Variants in CNTNAP2 observed in about 807,000 individuals in gnomAD.
CNTNAP2 encodes the protein contactin-associated protein-like 2.
Under a neutral mutation model 155.2 loss-of-function variants are expected in CNTNAP2, and 98 were observed. The observed-to-expected ratio is 0.63, with a 90% CI of 0.54 to 0.75. CNTNAP2 has a LOEUF of 0.75. Among genes scored for constraint, CNTNAP2 ranks in the 30% least tolerant of loss-of-function variants. The pLI, the probability that CNTNAP2 is intolerant of heterozygous loss-of-function variation, is 0.00. For synonymous variants in CNTNAP2, 651 were observed against 631.2 expected, an observed-to-expected ratio of 1.03 and a Z score of -0.47; for missense variants, 1,727 against 1,688.1, an observed-to-expected ratio of 1.02 and a Z score of -0.40.
At chr7:146,210,581 G>A (rs2116882288) in intron 1 of CNTNAP2, among the ~76,000 whole-genome samples, 1 of 152,274 alleles carries the variant, frequency 6.6e-6, no homozygotes, top group African/African-American at 2.4e-5. Flanking sequence ...TGGAATTACA[G>A]GTGTGAGCCG....
At chr7:147,611,092 G>C (rs1384350167) in intron 12 of CNTNAP2, among the ~76,000 whole-genome samples, 1 of 81,598 alleles carries the variant, frequency 1.2e-5, no homozygotes, top group East Asian at 4.0e-4. Flanking sequence ...TAGATATTAG[G>C]AGTGATTTTT....
chr7:147,596,801 A>C (rs1400344263), intron 12 of CNTNAP2, among the ~76,000 whole-genome samples: 2 of 152,194 alleles, frequency 1.3e-5, no homozygotes, highest in Admixed American at 1.3e-4. Context: ...CACAAGATAC[A>C]GGTCATAAAG....
chr7:146,657,530 C>T lies in CNTNAP2; in HGVS notation c.98-116741C>T, dbSNP rs117587701. ...ATTTCTTTAACCACATTGTCTCTGTCGTTCTCTGTCTCTCTGTTTCTCTCT... is the reference window on the plus strand; with the variant it reads ...ATTTCTTTAACCACATTGTCTCTGTTGTTCTCTGTCTCTCTGTTTCTCTCT... On this transcript the variant is annotated intron_variant, in intron 1 of 23. Coordinates refer to ENST00000361727, the MANE Select transcript of CNTNAP2 (RefSeq NM_014141.6). 4.9e-3 allele frequency among the ~76,000 whole-genome samples: 742 copies of T among 152,200 alleles called. 4 individuals are homozygous for T. The highest frequency in any genetic ancestry group is 9.3e-3 in the Non-Finnish European group (634 of 68,002).
At chr7:147,302,747 C>T (rs993805642) in intron 9 of CNTNAP2, among the ~76,000 whole-genome samples, 2 of 152,232 alleles carry the variant, frequency 1.3e-5, no homozygotes, top group Non-Finnish European at 2.9e-5. Flanking sequence ...TGTAAAACAT[C>T]GTCAGTCACT....
At chr7:147,235,345 G>GGTGTGTGTGTGTGTGTGTGT (rs60072934) in intron 8 of CNTNAP2, among the ~76,000 whole-genome samples, 41 of 140,878 alleles carry the variant, frequency 2.9e-4, no homozygotes, top group Non-Finnish European at 3.5e-4. Flanking sequence ...TGGAGTTTTT[G>GGTGTGTGTGTGTGTGTGTGT]GTGTGTGTGT....
At chr7:146,283,909 G>A (rs1346436267) in intron 1 of CNTNAP2, among the ~76,000 whole-genome samples, 1 of 152,020 alleles carries the variant, frequency 6.6e-6, no homozygotes, top group East Asian at 1.9e-4. Flanking sequence ...AAAAGTCTCA[G>A]AACCAGTCTT....
chr7:147,585,673 A>G (rs1320132722), intron 12 of CNTNAP2, among the ~76,000 whole-genome samples: 1 of 151,938 alleles, frequency 6.6e-6, no homozygotes, highest in Non-Finnish European at 1.5e-5. Context: ...ATTAATTCAG[A>G]TTTTAAATAA....
chr7:148,330,793 G>GGACA (rs1280498371), intron 21 of CNTNAP2, among the ~76,000 whole-genome samples: 1 of 148,550 alleles, frequency 6.7e-6, no homozygotes, highest in Non-Finnish European at 1.5e-5. Flanking sequence ...TGGATGGAAT[G>GGACA]GATGGATGGA....
chr7:146,965,889 G>T (rs531001058), intron 3 of CNTNAP2, among the ~76,000 whole-genome samples: 1 of 152,248 alleles, frequency 6.6e-6, no homozygotes, highest in Non-Finnish European at 1.5e-5. Context: ...GAAACCTTAC[G>T]CTAGACTAGC....
At chr7:147,274,939 T>C (rs915231773) in intron 8 of CNTNAP2, among the ~76,000 whole-genome samples, 16 of 152,072 alleles carry the variant, frequency 1.1e-4, no homozygotes, top group Non-Finnish European at 2.1e-4. Flanking sequence ...CCTTTTCCCA[T>C]TGTTTATTTA....
chr7:146,665,283 C>A (rs1800170687), intron 1 of CNTNAP2, among the ~76,000 whole-genome samples: 3 of 152,154 alleles, frequency 2.0e-5, no homozygotes, highest in African/African-American at 7.2e-5. Flanking sequence ...TCCTTTCTCT[C>A]TCTTTCTGTC....
At chr7:147,838,363 C>T (rs1284812293) in intron 13 of CNTNAP2, among the ~76,000 whole-genome samples, 10 of 152,220 alleles carry the variant, frequency 6.6e-5, no homozygotes. Context: ...TTATCCAAAT[C>T]TCTGCAGCCA....
chr7:147,830,159 C>T (rs1798524634), intron 13 of CNTNAP2, among the ~76,000 whole-genome samples: 1 of 79,426 alleles, frequency 1.3e-5, no homozygotes, highest in South Asian at 4.7e-4. Flanking sequence ...ATTCGGGTTG[C>T]TATTAAAAAA....
intron 3 of CNTNAP2, among the ~76,000 whole-genome samples, chr7:146,851,018 T>C (rs1414716501): frequency 6.6e-6 from 1 of 152,146 alleles, no homozygotes; most frequent in Non-Finnish European, 1.5e-5. Context: ...AGAGTCTCGC[T>C]CTGTCACCCA....
At chr7:146,985,802 A>G (rs1798105241) in intron 3 of CNTNAP2, among the ~76,000 whole-genome samples, 2 of 152,114 alleles carry the variant, frequency 1.3e-5, no homozygotes. Context: ...TTTCTTCTGG[A>G]CAACATTAAA....
At chr7:148,077,522 C>T (rs1036901732) in intron 15 of CNTNAP2, among the ~76,000 whole-genome samples, 3 of 152,270 alleles carry the variant, frequency 2.0e-5, no homozygotes, top group African/African-American at 4.8e-5. Flanking sequence ...AGGTTGTGAG[C>T]TCTTCCCATT....
rs563432992 is a variant in CNTNAP2, at chr7:147,185,794, C to T, written c.1348+53285C>T. On this transcript the variant is annotated intron_variant, in intron 8 of 23. Coordinates refer to ENST00000361727, the MANE Select transcript of CNTNAP2 (RefSeq NM_014141.6). ...TAATTCCCATGTGTCGAGGGAGGTACCTGGTGGGAGGTAATTGAATCATGG... is the reference window on the plus strand; with the variant it reads ...TAATTCCCATGTGTCGAGGGAGGTATCTGGTGGGAGGTAATTGAATCATGG... Among the ~76,000 whole-genome samples the T allele has an allele frequency of 6.6e-5, 10 of 152,218 alleles. No homozygotes were observed. In the South Asian group the frequency reaches 1.9e-3, roughly 28 times the overall value.
intron 3 of CNTNAP2, among the ~76,000 whole-genome samples, chr7:146,977,938 G>T (rs1797943653): frequency 6.6e-6 from 1 of 152,038 alleles, no homozygotes; most frequent in Non-Finnish European, 1.5e-5. Flanking sequence ...AAAATAAAAA[G>T]GGATTGAAGA....
chr7:146,680,962 A>G (rs73166377), intron 1 of CNTNAP2, among the ~76,000 whole-genome samples: 16,450 of 152,122 alleles, frequency 0.11, 1,435 homozygotes, highest in African/African-American at 0.24. Context: ...ATCAAAGCTG[A>G]TGAGATGAAT....
Sources: allele counts gnomAD v4.1 joint callset (sites outside exome capture counted in the v4.1 genomes callset), GRCh38; gene constraint gnomAD v4.1.1; transcripts MANE v1.5; gene names NCBI Gene and HGNC (gene_info 2026-07-23, HGNC 2026-07-21).